The following SYT2 variants were observed in gnomAD, a reference collection of about 807,000 sequenced individuals.
SYT2 encodes synaptotagmin-2.
In SYT2, 15 loss-of-function variants were observed where a neutral mutation model predicts 39.9. The ratio of observed to expected loss-of-function variants is 0.38; its 90% CI spans 0.25 to 0.58. The LOEUF (loss-of-function observed/expected upper bound fraction) is 0.58. Among genes scored for constraint, SYT2 ranks in the 20% least tolerant of loss-of-function variants. The pLI is 0.70. For synonymous variants in SYT2, 181 were observed against 204.5 expected, an observed-to-expected ratio of 0.89 and a Z score of 0.98; for missense variants, 389 against 530.3, an observed-to-expected ratio of 0.73 and a Z score of 2.62.
At chr1:202,626,991 G>T (rs1249485123) in intron 1 of SYT2, among the ~76,000 whole-genome samples, 3 of 152,198 alleles carry the variant, frequency 2.0e-5, no homozygotes, top group African/African-American at 7.2e-5. Context: ...AGCGGGGCTA[G>T]GCTGAGTCCA....
chr1:202,648,679 C>T (rs867313), intron 1 of SYT2, among the ~76,000 whole-genome samples: 58,084 of 152,050 alleles, frequency 0.38, 12,579 homozygotes, highest in East Asian at 0.74. Context: ...ATCCACTGGG[C>T]TACCTGGGGG....
At chr1:202,597,050 T>C (rs1690324597) in intron 8 of SYT2, 87 bp from the exon 9 acceptor site, 1 of 1,240,914 alleles carries the variant, frequency 8.1e-7, no homozygotes, top group African/African-American at 1.5e-5. Flanking sequence ...CTACTCCCAA[T>C]GATTGGGAAG....
chr1:202,602,902 C>T, intron 4 of SYT2, 97 bp downstream of exon 4: 1 of 1,437,522 alleles, frequency 7.0e-7, no homozygotes, highest in South Asian at 1.2e-5. Flanking sequence ...AGGAGTAGTG[C>T]CCACACATCT....
At chr1:202,693,432 A>C (rs758245660) in intron 1 of SYT2, among the ~76,000 whole-genome samples, 2 of 152,152 alleles carry the variant, frequency 1.3e-5, no homozygotes, top group Non-Finnish European at 2.9e-5. Context: ...TGACCACCTG[A>C]CCCTACAATA....
intron 1 of SYT2, among the ~76,000 whole-genome samples, chr1:202,661,081 A>C (rs974128311): frequency 6.6e-6 from 1 of 152,140 alleles, no homozygotes; most frequent in African/African-American, 2.4e-5. Flanking sequence ...GAATGAGATA[A>C]AAATCCGTGC....
chr1:202,609,681 C>A (rs1302876738), intron 1 of SYT2, among the ~76,000 whole-genome samples: 1 of 152,214 alleles, frequency 6.6e-6, no homozygotes, highest in African/African-American at 2.4e-5. Flanking sequence ...GGCTGCATAA[C>A]TGTCTTCTTT....
intron 1 of SYT2, among the ~76,000 whole-genome samples, chr1:202,673,017 G>C (rs1692623180): frequency 6.6e-6 from 1 of 152,080 alleles, no homozygotes; most frequent in African/African-American, 2.4e-5. Context: ...ACAGGCTCCA[G>C]CTGTCTCACA....
intron 1 of SYT2, among the ~76,000 whole-genome samples, chr1:202,667,453 G>C (rs1692499852): frequency 6.7e-6 from 1 of 149,340 alleles, no homozygotes; most frequent in Admixed American, 6.7e-5. Context: ...AAGACAACAG[G>C]CAAGTGACCA....
chr1:202,656,794 A>G (rs1294826708), intron 1 of SYT2, among the ~76,000 whole-genome samples: 1 of 152,198 alleles, frequency 6.6e-6, no homozygotes, highest in Non-Finnish European at 1.5e-5. Flanking sequence ...AGAACATTCC[A>G]GCAACAGGCA....
chr1:202,667,272 A>G (rs968356046), intron 1 of SYT2, among the ~76,000 whole-genome samples: 1 of 152,202 alleles, frequency 6.6e-6, no homozygotes, highest in Non-Finnish European at 1.5e-5. Flanking sequence ...AGATCCATAG[A>G]GGAAACACAA....
chr1:202,702,571 T>C (rs545918781), intron 1 of SYT2, among the ~76,000 whole-genome samples: 1 of 152,306 alleles, frequency 6.6e-6, no homozygotes, highest in African/African-American at 2.4e-5. Flanking sequence ...ATTTCAGTCC[T>C]AGGTCTGCTT....
intron 1 of SYT2, among the ~76,000 whole-genome samples, chr1:202,678,962 TTTCAG>T (rs1180151683): frequency 2.6e-5 from 4 of 152,110 alleles, no homozygotes; most frequent in Non-Finnish European, 5.9e-5. Flanking sequence ...ATGAAACAGC[TTTCAG>T]AGGTCCCCAG....
At chr1:202,691,768 A>ATG (rs1653840528) in intron 1 of SYT2, among the ~76,000 whole-genome samples, 2 of 137,428 alleles carry the variant, frequency 1.5e-5, no homozygotes, top group Non-Finnish European at 3.1e-5. Context: ...AGAGAGAGAG[A>ATG]GAGAGAGAGA....
intron 1 of SYT2, among the ~76,000 whole-genome samples, chr1:202,618,267 C>A (rs1337508499): frequency 6.6e-6 from 1 of 152,102 alleles, no homozygotes; most frequent in Non-Finnish European, 1.5e-5. Context: ...TTCCCAGGGT[C>A]CCCCCGTGCA....
At chr1:202,643,087 G>A (rs1485544086) in intron 1 of SYT2, among the ~76,000 whole-genome samples, 1 of 152,244 alleles carries the variant, frequency 6.6e-6, no homozygotes, top group African/African-American at 2.4e-5. Flanking sequence ...CCCACCGCGG[G>A]CTCAGTCCTA....
intron 1 of SYT2, among the ~76,000 whole-genome samples, chr1:202,694,939 C>A (rs1653936526): frequency 6.6e-6 from 1 of 152,104 alleles, no homozygotes; most frequent in Admixed American, 6.5e-5. Flanking sequence ...GTCAATTTAC[C>A]TTTTCTCAAT....
intron 1 of SYT2, among the ~76,000 whole-genome samples, chr1:202,677,290 G>T (rs369471041): frequency 2.0e-5 from 3 of 152,170 alleles, no homozygotes; most frequent in East Asian, 3.8e-4. Context: ...GAGAGAGAGG[G>T]TCTGTGTACC....
intron 1 of SYT2, among the ~76,000 whole-genome samples, chr1:202,648,606 C>T (rs1030274797): frequency 6.6e-6 from 1 of 152,194 alleles, no homozygotes; most frequent in African/African-American, 2.4e-5. Flanking sequence ...GCAGCTGAGA[C>T]TGAGATGCAT....
In SYT2 at chr1:202,591,887, C is replaced by T. The variant is rs529534230; in HGVS notation, c.*4870G>A. On this transcript the variant is annotated 3_prime_UTR_variant, in exon 9 of 9. Transcript: ENST00000367268. Reference sequence around the variant, plus strand: ...CCACTGCTGTCTGCTCCTCGCCCAGCGTAGAGATGGAGCTGAACTGTGAAC... The same window carrying T: ...CCACTGCTGTCTGCTCCTCGCCCAGTGTAGAGATGGAGCTGAACTGTGAAC... The T allele has an allele frequency of 1.2e-4, 19 of 152,866 alleles. No individual in the cohort carries two copies. The South Asian group carries it at 2.9e-3, about 23-fold the overall frequency. 9.5% of individuals were successfully genotyped at this position (152,866 alleles called of 1,614,324 possible).
Sources: allele counts gnomAD v4.1 joint callset (sites outside exome capture counted in the v4.1 genomes callset), GRCh38; gene constraint gnomAD v4.1.1; transcripts MANE v1.5; gene names NCBI Gene and HGNC (gene_info 2026-07-23, HGNC 2026-07-21).